Variants in KALRN observed in about 807,000 individuals in gnomAD.
KALRN encodes kalirin RhoGEF kinase.
A neutral mutation model predicts 353.7 loss-of-function variants in KALRN; 70 were observed. The ratio of observed to expected loss-of-function variants is 0.20; its 90% CI spans 0.16 to 0.24. The LOEUF (loss-of-function observed/expected upper bound fraction) is 0.24. KALRN is among the 10% of genes least tolerant of loss of function. KALRN has a pLI of 1.00. For synonymous variants in KALRN, 1,391 were observed against 1,434.8 expected, an observed-to-expected ratio of 0.97 and a Z score of 0.69; for missense variants, 2,791 against 3,756.7, an observed-to-expected ratio of 0.74 and a Z score of 6.72.
intron 34 of KALRN, among the ~76,000 whole-genome samples, chr3:124,596,511 A>G (rs1022958516): frequency 6.6e-6 from 1 of 152,210 alleles, no homozygotes; most frequent in African/African-American, 2.4e-5. Context: ...TCCAAATATC[A>G]TATCAACATA....
intron 16 of KALRN, among the ~76,000 whole-genome samples, chr3:124,433,668 A>G (rs188461838): frequency 3.9e-4 from 59 of 152,084 alleles, no homozygotes; most frequent in Non-Finnish European, 3.7e-4. Flanking sequence ...AGGGATATGT[A>G]AATAACATGG....
intron 17 of KALRN, 57 bp downstream of exon 17, chr3:124,434,582 G>C: frequency 6.5e-7 from 1 of 1,530,244 alleles, no homozygotes; most frequent in Non-Finnish European, 9.0e-7. Context: ...GCCATTTTCT[G>C]CCTTGCAGTG....
chr3:124,549,450 C>T (rs2070191092), intron 33 of KALRN, among the ~76,000 whole-genome samples: 2 of 151,844 alleles, frequency 1.3e-5, no homozygotes, highest in Non-Finnish European at 2.9e-5. Flanking sequence ...ATGCCAAACA[C>T]AGAGCTCTGG....
At chr3:124,309,105 A>G (rs1299062511) in intron 6 of KALRN, among the ~76,000 whole-genome samples, 1 of 152,310 alleles carries the variant, frequency 6.6e-6, no homozygotes, top group South Asian at 2.1e-4. Context: ...GAAGAAATAG[A>G]TAATCTGAAT....
chr3:124,356,181 T>G (rs544709944), intron 10 of KALRN, among the ~76,000 whole-genome samples: 1 of 152,192 alleles, frequency 6.6e-6, no homozygotes, highest in Admixed American at 6.5e-5. Flanking sequence ...CCTCGACCCC[T>G]GCCATTGGCT....
chr3:124,480,023 G>T (rs544176933), intron 27 of KALRN, among the ~76,000 whole-genome samples: 2 of 152,068 alleles, frequency 1.3e-5, no homozygotes, highest in Admixed American at 6.6e-5. Flanking sequence ...GCGCCCGGCC[G>T]ATCCAGAATG....
At chr3:124,642,809 T>TTTTTGTTG (rs1162578671) in intron 37 of KALRN, among the ~76,000 whole-genome samples, 1 of 88,352 alleles carries the variant, frequency 1.1e-5, no homozygotes, top group African/African-American at 4.7e-5. Flanking sequence ...AAGCCTCGTT[T>TTTTTGTTG]TTTTTTTTTT....
intron 10 of KALRN, among the ~76,000 whole-genome samples, chr3:124,356,729 G>A (rs547661890): frequency 6.6e-6 from 1 of 152,064 alleles, no homozygotes; most frequent in Non-Finnish European, 1.5e-5. Flanking sequence ...CCTTGACATC[G>A]TGCTCTGTTG....
intron 5 of KALRN, among the ~76,000 whole-genome samples, chr3:124,292,316 A>G (rs779598417): frequency 6.6e-6 from 1 of 152,166 alleles, no homozygotes; most frequent in African/African-American, 2.4e-5. Flanking sequence ...TTCTATATTC[A>G]GGATAAGCTA....
intron 13 of KALRN, among the ~76,000 whole-genome samples, chr3:124,408,459 G>A (rs577377977): frequency 2.8e-4 from 42 of 152,298 alleles, no homozygotes; most frequent in African/African-American, 9.4e-4. Context: ...CTGAGACCAT[G>A]GGAGAAACTA....
intron 5 of KALRN, 95 bp from the exon 6 acceptor site, chr3:124,298,696 C>T: frequency 7.2e-7 from 1 of 1,380,950 alleles, no homozygotes; most frequent in Non-Finnish European, 1.0e-6. Flanking sequence ...TGAGCACCAG[C>T]AGGAGAGCTT....
At chr3:124,593,474 C>G (rs1235794816) in intron 34 of KALRN, among the ~76,000 whole-genome samples, 1 of 152,170 alleles carries the variant, frequency 6.6e-6, no homozygotes, top group Non-Finnish European at 1.5e-5. Context: ...GGTGCACGCT[C>G]AAATTTGAGG....
intron 1 of KALRN, among the ~76,000 whole-genome samples, chr3:124,128,343 C>T (rs2064914821): frequency 6.6e-6 from 1 of 152,170 alleles, no homozygotes; most frequent in African/African-American, 2.4e-5. Flanking sequence ...TTCCTCACCC[C>T]TCTCTCCACT....
intron 5 of KALRN, among the ~76,000 whole-genome samples, chr3:124,282,413 T>C (rs533252019): frequency 1.3e-5 from 2 of 148,496 alleles, no homozygotes; most frequent in Admixed American, 1.4e-4. Flanking sequence ...AGTTTTGCTC[T>C]TGTTATCCAG....
At chr3:124,691,869 C>G (rs1220306339) in intron 51 of KALRN, among the ~76,000 whole-genome samples, 1 of 152,172 alleles carries the variant, frequency 6.6e-6, no homozygotes, top group Non-Finnish European at 1.5e-5. Context: ...TTACATCCTT[C>G]CCCATGCCAT....
At chr3:124,357,387 C>T (rs981881384) in intron 10 of KALRN, among the ~76,000 whole-genome samples, 4 of 152,328 alleles carry the variant, frequency 2.6e-5, no homozygotes, top group Admixed American at 2.6e-4. Flanking sequence ...GGTTATGGAA[C>T]CTATAGATGG....
chr3:124,192,928 A>G (rs988804518), intron 1 of KALRN, among the ~76,000 whole-genome samples: 3 of 152,250 alleles, frequency 2.0e-5, no homozygotes, highest in South Asian at 2.1e-4. Context: ...CACTGATACC[A>G]TGAGTTAACT....
At chr3:124,378,684 GTT>G (rs56153041) in intron 10 of KALRN, among the ~76,000 whole-genome samples, 149,596 of 151,722 alleles carry the variant, frequency 0.99, 73,774 homozygotes, top group East Asian at 1. Context: ...CCCAGGTTTT[GTT>G]TTTTTTTTTA....
At chr3:124,223,343 G>C (rs1274753701) in intron 1 of KALRN, among the ~76,000 whole-genome samples, 2 of 152,120 alleles carry the variant, frequency 1.3e-5, no homozygotes, top group Non-Finnish European at 2.9e-5. Flanking sequence ...TTGTAAGCCA[G>C]ATCTCTTTTA....
Sources: allele counts gnomAD v4.1 joint callset (sites outside exome capture counted in the v4.1 genomes callset), GRCh38; gene constraint gnomAD v4.1.1; transcripts MANE v1.5; gene names NCBI Gene and HGNC (gene_info 2026-07-23, HGNC 2026-07-21).